Variants in ZRANB3 observed in about 807,000 individuals in gnomAD.
ZRANB3 encodes the protein zinc finger RANBP2-type containing 3, also known as DNA annealing helicase and endonuclease ZRANB3.
Under a neutral mutation model 133.8 loss-of-function variants are expected in ZRANB3, and 125 were observed. The observed-to-expected ratio is 0.93, with a 90% confidence interval of 0.81 to 1.08. ZRANB3 has a LOEUF of 1.08. ZRANB3 is among the 50% of genes least tolerant of loss of function. ZRANB3 has a pLI of 0.00. For synonymous variants in ZRANB3, 387 were observed against 432.7 expected, an observed-to-expected ratio of 0.89 and a Z score of 1.31; for missense variants, 1,229 against 1,275.5, an observed-to-expected ratio of 0.96 and a Z score of 0.56.
At chr2:135,295,295 C>G (rs1558894988) in intron 8 of ZRANB3, among the ~76,000 whole-genome samples, 1 of 152,128 alleles carries the variant, frequency 6.6e-6, no homozygotes, top group Non-Finnish European at 1.5e-5. Flanking sequence ...GGATAGTTAG[C>G]TCTTCTTGTT....
At chr2:135,357,361 T>C (rs1340437551) in intron 3 of ZRANB3, among the ~76,000 whole-genome samples, 1 of 152,204 alleles carries the variant, frequency 6.6e-6, no homozygotes, top group South Asian at 2.1e-4. Context: ...AGTGGCATGA[T>C]CTCGGCTCAT....
intron 14 of ZRANB3, among the ~76,000 whole-genome samples, chr2:135,226,357 T>C (rs1373719934): frequency 6.6e-6 from 1 of 152,330 alleles, no homozygotes; most frequent in East Asian, 1.9e-4. Context: ...TAAAAGAGCA[T>C]ATGTAGGTAG....
chr2:135,524,433 T>C (rs1187450916), intron 1 of ZRANB3, among the ~76,000 whole-genome samples: 1 of 152,182 alleles, frequency 6.6e-6, no homozygotes, highest in Non-Finnish European at 1.5e-5. Context: ...AATGACCCAT[T>C]GATTCTCGAT....
Position 135,483,101 on chromosome 2 carries a change from A to G in ZRANB3, c.161+21228T>C, listed in dbSNP as rs1405802971. Among the ~76,000 whole-genome samples the G allele has an allele frequency of 2.4e-4, 37 of 152,130 alleles. No homozygotes were observed. The East Asian group carries it at 5.2e-3, about 21-fold the overall frequency. On this transcript the variant is annotated intron_variant, in intron 2 of 20. Transcript: ENST00000264159. ...CTCTTTTTTGGCTGTGTCTCTGCCC[A>G]GCTTTGGTATCAGAATGATGCTGGC...
chr2:135,447,299 A>G (rs1484645195), intron 2 of ZRANB3, among the ~76,000 whole-genome samples: 1 of 152,198 alleles, frequency 6.6e-6, no homozygotes, highest in Non-Finnish European at 1.5e-5. Context: ...TTGGCCTCCC[A>G]AAGTGTTGGG....
Position 135,483,058 on chromosome 2 carries a change from G to A in ZRANB3, c.161+21271C>T, listed in dbSNP as rs561660926. On this transcript the variant is annotated intron_variant, in intron 2 of 20. Transcript: ENST00000264159. ...GGATTTTTGCATCAATGTTCATCAA[G>A]GATATTGGTCTAAAATTCTCTTTTT... 1.7e-4 allele frequency among the ~76,000 whole-genome samples: 26 copies of A among 152,210 alleles called. No homozygotes were observed. In the South Asian group the frequency reaches 5.2e-3, roughly 30 times the overall value.
chr2:135,511,516 G>T (rs1693451032), intron 1 of ZRANB3: 1 of 1,013,036 alleles, frequency 9.9e-7, no homozygotes, highest in Non-Finnish European at 1.6e-6. Flanking sequence ...CTGAGGCTCA[G>T]TGACAAACCC....
intron 2 of ZRANB3, among the ~76,000 whole-genome samples, chr2:135,489,589 C>T (rs1331772926): frequency 6.6e-6 from 1 of 150,672 alleles, no homozygotes; most frequent in African/African-American, 2.4e-5. Context: ...GAGCTATGGT[C>T]AAAAAGATGA....
intron 11 of ZRANB3, among the ~76,000 whole-genome samples, chr2:135,268,186 T>C (rs897998944): frequency 6.6e-6 from 1 of 152,056 alleles, no homozygotes; most frequent in African/African-American, 2.4e-5. Context: ...GACAGAGTCT[T>C]GCTCTGTCAC....
At chr2:135,449,625 A>C (rs1479808631) in intron 2 of ZRANB3, among the ~76,000 whole-genome samples, 1 of 152,222 alleles carries the variant, frequency 6.6e-6, no homozygotes, top group South Asian at 2.1e-4. Context: ...ATCTCAAAAA[A>C]TAAAAAATAA....
Position 135,296,709 on chromosome 2 carries a change from T to C in ZRANB3, c.966+16780A>G, listed in dbSNP as rs564039681. Among the ~76,000 whole-genome samples, 4 of 152,322 alleles carry C rather than the reference T, an allele frequency of 2.6e-5. No homozygotes were observed. The South Asian group carries it at 8.3e-4, about 32-fold the overall frequency. ...CTGTTTTTCCCCATTTTTGTGGTTT[T>C]ATCTACCTTTGGTCTTTGATGAAGG... On this transcript the variant is annotated intron_variant, in intron 8 of 20. Transcript: ENST00000264159.
intron 1 of ZRANB3, among the ~76,000 whole-genome samples, chr2:135,504,867 A>C (rs887260973): frequency 1.3e-5 from 2 of 152,272 alleles, no homozygotes; most frequent in Middle Eastern, 3.4e-3. Context: ...TGAATCCTTT[A>C]ATAATTCATC....
chr2:135,485,602 G>T (rs984550840), intron 2 of ZRANB3, among the ~76,000 whole-genome samples: 3 of 152,052 alleles, frequency 2.0e-5, no homozygotes, highest in Non-Finnish European at 4.4e-5. Flanking sequence ...CTTTATAGTT[G>T]GTCACAATAC....
chr2:135,415,287 C>A (rs1688512441), intron 2 of ZRANB3, among the ~76,000 whole-genome samples: 1 of 151,626 alleles, frequency 6.6e-6, no homozygotes, highest in Non-Finnish European at 1.5e-5. Context: ...CACCACCGAT[C>A]CCACAGAAAT....
At chr2:135,245,436 G>A (rs994600195) in intron 12 of ZRANB3, among the ~76,000 whole-genome samples, 1 of 152,048 alleles carries the variant, frequency 6.6e-6, no homozygotes, top group African/African-American at 2.4e-5. Flanking sequence ...AGGGTCTCCT[G>A]GTTTACTGAA....
At chr2:135,438,856 T>C (rs906475515) in intron 2 of ZRANB3, among the ~76,000 whole-genome samples, 2 of 152,184 alleles carry the variant, frequency 1.3e-5, no homozygotes, top group Non-Finnish European at 2.9e-5. Flanking sequence ...CTGGGCTCCT[T>C]TAATGTTAAT....
intron 12 of ZRANB3, among the ~76,000 whole-genome samples, chr2:135,253,922 C>T (rs939133585): frequency 1.3e-5 from 2 of 152,202 alleles, no homozygotes; most frequent in African/African-American, 4.8e-5. Context: ...CTTTTGAAGA[C>T]AGATATCTGA....
At chr2:135,204,289 A>G (rs551223719) in intron 19 of ZRANB3, among the ~76,000 whole-genome samples, 2 of 152,268 alleles carry the variant, frequency 1.3e-5, no homozygotes, top group South Asian at 2.1e-4. Context: ...AGAAGCTACT[A>G]CAAATGGCGG....
chr2:135,373,433 G>C (rs1284674144), intron 3 of ZRANB3, among the ~76,000 whole-genome samples: 2 of 152,098 alleles, frequency 1.3e-5, no homozygotes, highest in Non-Finnish European at 2.9e-5. Context: ...AAAAATATGA[G>C]ACACAGAAGA....
Sources: gnomAD v4.1 joint callset for allele counts (sites outside exome capture counted in the v4.1 genomes callset) on GRCh38, gnomAD v4.1.1 for gene constraint, MANE v1.5 for transcripts, NCBI Gene and HGNC (gene_info 2026-07-23, HGNC 2026-07-21) for gene names.